The following UBR4 variants were observed in gnomAD, a reference collection of about 807,000 sequenced individuals.
UBR4 encodes ubiquitin protein ligase E3 component n-recognin 4.
Under a neutral mutation model 575.6 loss-of-function variants are expected in UBR4, and 124 were observed. The ratio of observed to expected loss-of-function variants is 0.22; its 90% CI spans 0.19 to 0.25. UBR4 has a LOEUF of 0.25. Ranked by LOEUF, UBR4 falls within the 10% of genes least tolerant of loss-of-function variation. UBR4 has a pLI of 1.00. For missense variants in UBR4, 4,818 were observed against 6,478.8 expected (o/e 0.74, Z 8.80); for synonymous variants, 2,455 against 2,473.7 (o/e 0.99, Z 0.22).
At position 19,084,642 on chromosome 1, in the gene UBR4, T is replaced by C. The variant is rs200006164; in HGVS notation, c.14870A>G (p.Asn4957Ser). ...GAAGAGCAGTTTGATGTCATGGATGTTGAGCTGATACGTGGGCTCCCGCTG... is the reference window on the plus strand; with the variant it reads ...GAAGAGCAGTTTGATGTCATGGATGCTGAGCTGATACGTGGGCTCCCGCTG... ...TGQREPTYQL[N>S]IHDIKLLFLR... is the part of the protein sequence containing the mutation. Residue 4957 changes from asparagine to serine, a missense_variant, in exon 102 of 106, where the codon AAC (asparagine) becomes AGC (serine). Asn to Ser is a conservative substitution (Grantham distance 46). Transcript: ENST00000375254. 9.3e-6 allele frequency: 15 copies of C among 1,614,134 alleles called. No homozygotes were observed. In the Admixed American group the frequency reaches 1.7e-4, roughly 18 times the overall value.
intron 18 of UBR4, among the ~76,000 whole-genome samples, chr1:19,178,445 T>C (rs1246134247): frequency 6.6e-6 from 1 of 152,192 alleles, no homozygotes; most frequent in Non-Finnish European, 1.5e-5. Context: ...TTTGCAAGAT[T>C]CCACCAGGAA....
At position 19,144,853 on chromosome 1, in the gene UBR4, T is replaced by A. The variant is rs755206025; in HGVS notation, c.8000A>T (p.Tyr2667Phe). The A allele has an allele frequency of 6.2e-7, 1 of 1,614,122 alleles. No individual in the cohort carries two copies. The highest frequency in any genetic ancestry group is 2.2e-5 in the East Asian group (1 of 44,864). ...AATACAATCCAGCTCACAGGTACAG[T>A]AGCCATGGATGATGTCCACCAGAGC... ...VNALVDIIHGYCTCELDCINT... is the reference protein window; with the variant it reads ...VNALVDIIHGFCTCELDCINT... The change falls in exon 54 of 106, where the codon TAC becomes TTC. Residue 2667 changes from tyrosine to phenylalanine, a missense_variant. Coordinates refer to ENST00000375254, the MANE Select transcript of UBR4 (RefSeq NM_020765.3).
Position 19,113,484 on chromosome 1 carries a change from G to C in UBR4, c.11457+215C>G, listed in dbSNP as rs543319721. The C allele has an allele frequency of 7.1e-5, 47 of 665,872 alleles. 1 individual carries two copies. The South Asian group carries it at 9.5e-4, about 14-fold the overall frequency. The allele number at this position is 665,872 out of a possible 1,614,324, so 41.2% of individuals were successfully genotyped here. Reference sequence around the variant, plus strand: ...TACCTTCCCATCACCAGTATGTTCAGTTATCTAGCATGAACTCAGCATTCT... The same window carrying C: ...TACCTTCCCATCACCAGTATGTTCACTTATCTAGCATGAACTCAGCATTCT... On this transcript the variant is annotated intron_variant, in intron 77 of 105. Coordinates refer to ENST00000375254, the MANE Select transcript of UBR4 (RefSeq NM_020765.3).
chr1:19,177,531 G>A lies in UBR4; in HGVS notation c.2567C>T (p.Ala856Val). 3.1e-6 allele frequency: 5 copies of A among 1,614,094 alleles called. No individual in the cohort carries two copies. The highest frequency in any genetic ancestry group is 4.2e-6 in the Non-Finnish European group (5 of 1,180,024). Reference protein sequence around the residue: ...AQMRFVPLILARLLLIFDYLL... With the variant: ...AQMRFVPLILVRLLLIFDYLL... ...ATAATCAAAGATGAGAAGGAGGCGAGCCAAGATAAGCGGCACGAAGCGCAT... is the reference window on the plus strand; with the variant it reads ...ATAATCAAAGATGAGAAGGAGGCGAACCAAGATAAGCGGCACGAAGCGCAT... Residue 856 changes from alanine to valine, a missense_variant, in exon 19 of 106, where the codon GCT (alanine) becomes GTT (valine). By Grantham distance (64) the Ala-to-Val change is moderately conservative (BLOSUM62 0). Transcript: ENST00000375254.
chr1:19,175,157 G>T, intron 20 of UBR4, 124 bp from the exon 21 acceptor site: 1 of 898,456 alleles, frequency 1.1e-6, no homozygotes. Context: ...ATTGACATCT[G>T]GAGCCAGATA....
At chr1:19,131,684 A>G (rs1398100547) in intron 60 of UBR4, among the ~76,000 whole-genome samples, 2 of 152,066 alleles carry the variant, frequency 1.3e-5, no homozygotes, top group Non-Finnish European at 2.9e-5. Context: ...GACCAGCCTG[A>G]CCAACATGGA....
chr1:19,112,478 T>G (rs774623135), intron 78 of UBR4, 46 bp downstream of exon 78: 20 of 1,552,846 alleles, frequency 1.3e-5, no homozygotes, highest in Non-Finnish European at 1.7e-5. Context: ...TGGCTGCCAG[T>G]GTCAGTAGGA....
chr1:19,141,009 CT>C, intron 57 of UBR4, 117 bp from the exon 58 acceptor site: 3 of 1,115,856 alleles, frequency 2.7e-6, no homozygotes, highest in Non-Finnish European at 3.8e-6. Context: ...CCCCTCTGGC[CT>C]AGAGGAAGTT....
chr1:19,150,788 C>T lies in UBR4; in HGVS notation c.7219G>A (p.Ala2407Thr). The T allele has an allele frequency of 6.2e-7, 1 of 1,613,744 alleles. No homozygotes were observed. The highest frequency in any genetic ancestry group is 8.5e-7 in the Non-Finnish European group (1 of 1,179,996). The change falls in exon 49 of 106, where the codon GCC (alanine) becomes ACC (threonine). Residue 2407 changes from alanine to threonine, a missense_variant. This residue lies in a region of UBR4 where 340 missense variants were observed against 375.4 expected (regional missense o/e 0.91). Transcript: ENST00000375254. ...ADKKLNLFIG[A>T]SVDPAGVTMI... ...GTGACACCTGCTGGATCCACCGAGGCCCCAACTGCAATAAGCAAGAGAGGC... is the reference window on the plus strand; with the variant it reads ...GTGACACCTGCTGGATCCACCGAGGTCCCAACTGCAATAAGCAAGAGAGGC...
rs575061327 is a variant in UBR4, at chr1:19,152,915, T to C, written c.6832+386A>G. ...AAGCTTTCACTTTCCTGAAGAGTCC[T>C]GAGTCAGTCAAGTGCTAGACCACCA... is the stretch of plus-strand genomic sequence containing the variant. On this transcript the variant is annotated intron_variant, in intron 46 of 105. Transcript: ENST00000375254. The surrounding 1 kb of genome is among the most constrained non-coding windows in gnomAD (Gnocchi z 4.4). Among the ~76,000 whole-genome samples the C allele has an allele frequency of 4.0e-3, 603 of 152,348 alleles. 4 individuals carry two copies. The highest frequency in any genetic ancestry group is 0.013 in the African/African-American group (536 of 41,590).
rs1224547581 is a variant in UBR4, at chr1:19,177,699, G to A, written c.2399C>T (p.Pro800Leu). Reference protein sequence around the residue: ...MKQNALQGVVPSETEDLNVEH... With the variant: ...MKQNALQGVVLSETEDLNVEH... ...TACATTCAGATCCTCTGTCTCACTG[G>A]GCACCACACCTTGCAGGGCATTCTG... The change falls in exon 19 of 106, where the codon CCC (proline) becomes CTC (leucine). Residue 800 changes from proline to leucine, a missense_variant. Pro to Leu is a moderately conservative substitution (Grantham distance 98). Around this residue, in one of 29 missense-constraint regions of UBR4, gnomAD observed 1,172 missense variants for 1,259.7 expected, o/e 0.93. Transcript: ENST00000375254. 1.9e-6 allele frequency: 3 copies of A among 1,613,800 alleles called. No homozygotes were observed. The South Asian group carries it at 3.3e-5, about 18-fold the overall frequency.
intron 48 of UBR4, 90 bp from the exon 49 acceptor site, chr1:19,150,883 T>C (rs2085587627): frequency 1.6e-6 from 2 of 1,275,264 alleles, no homozygotes; most frequent in African/African-American, 3.0e-5. Flanking sequence ...AGCAAAGAAG[T>C]AAATCACGTC....
In UBR4 at chr1:19,081,455, G is replaced by A; in HGVS notation, c.15127C>T (p.Leu5043Phe). The A allele has an allele frequency of 6.2e-7, 1 of 1,614,038 alleles. No homozygotes were observed. Among genetic ancestry groups the A allele is most frequent in the Non-Finnish European group, 8.5e-7 (1 of 1,180,026 alleles). The part of the protein sequence containing the change: ...DGPYYFTVLA[L>F]HILPPEQWRA... ...CACTGCTCAGGGGGCAGGATGTGAAGGGCCAAGACTGTGAAATAGTAGGGC... is the reference window on the plus strand; with the variant it reads ...CACTGCTCAGGGGGCAGGATGTGAAAGGCCAAGACTGTGAAATAGTAGGGC... The change falls in exon 103 of 106, where the codon CTT (leucine) becomes TTT (phenylalanine). Residue 5043 changes from leucine to phenylalanine, a missense_variant. Leu to Phe is a conservative substitution (Grantham distance 22). Coordinates refer to ENST00000375254, the MANE Select transcript of UBR4 (RefSeq NM_020765.3).
At chr1:19,115,054 T>G (rs2080333871) in intron 74 of UBR4, 105 bp from the exon 75 acceptor site, 2 of 1,482,410 alleles carry the variant, frequency 1.3e-6, no homozygotes, top group Admixed American at 3.8e-5. Context: ...TGGTAACTAC[T>G]GCAGGGGCTA....
chr1:19,173,929 G>A (rs552782787), intron 22 of UBR4, among the ~76,000 whole-genome samples: 87 of 152,334 alleles, frequency 5.7e-4, no homozygotes, highest in African/African-American at 1.9e-3. Flanking sequence ...AGGACATTCT[G>A]CTTAGCAGAC....
intron 66 of UBR4, 70 bp from the exon 67 acceptor site, chr1:19,122,082 G>A (rs1184262128): frequency 1.3e-6 from 2 of 1,498,866 alleles, no homozygotes; most frequent in Non-Finnish European, 1.9e-6. Context: ...CACACCTGCT[G>A]CCTGGAGCCA....
chr1:19,098,970 A>G (rs1220628497), intron 90 of UBR4, among the ~76,000 whole-genome samples: 1 of 152,166 alleles, frequency 6.6e-6, no homozygotes, highest in Non-Finnish European at 1.5e-5. Context: ...AAGAAACAGG[A>G]AGAGAGGAAT....
Position 19,112,663 on chromosome 1 carries a change from G to T in UBR4, c.11662C>A (p.Arg3888=). Residue 3888 remains arginine (R), a synonymous_variant, in exon 78 of 106, where the codon CGG becomes AGG. Transcript: ENST00000375254. ...AVTEHCITLL[R]ALATNPALRH... is the part of the protein sequence containing the mutation. ...AAGGCTGGGTTGGTGGCCAGGGCCC[G>T]AAGTAGTGTGATACAATGTTCTGTG... The T allele has an allele frequency of 6.2e-7, 1 of 1,614,234 alleles. No homozygotes were observed. Among genetic ancestry groups the T allele is most frequent in the Non-Finnish European group, 8.5e-7 (1 of 1,180,040 alleles).
In UBR4 at chr1:19,180,837, T is replaced by C. The variant is rs149503334; in HGVS notation, c.2185-1617A>G. On this transcript the variant is annotated intron_variant, in intron 17 of 105. Coordinates refer to ENST00000375254, the MANE Select transcript of UBR4 (RefSeq NM_020765.3). ...CCTTCCTTCTCAGCTCTAAGTAAGG[T>C]AACTGACTCTCTAAGAAGTCAAACT... Among the ~76,000 whole-genome samples the C allele has an allele frequency of 5.1e-3, 772 of 152,128 alleles. 8 individuals are homozygous for C. The highest frequency in any genetic ancestry group is 0.017 in the African/African-American group (698 of 41,478).
Sources: gnomAD v4.1 joint callset for allele counts (sites outside exome capture counted in the v4.1 genomes callset) on GRCh38, gnomAD v4.1.1 for gene constraint, gnomAD v4.1.1 regional missense constraint, Gnocchi (gnomAD v3.1) non-coding constraint, MANE v1.5 for transcripts, NCBI Gene and HGNC (gene_info 2026-07-23, HGNC 2026-07-21) for gene names.